Variants in CADM2 observed in about 807,000 individuals in gnomAD.
CADM2 encodes immunoglobulin superfamily member 4D.
Under a neutral mutation model 49.8 loss-of-function variants are expected in CADM2, and 12 were observed. The ratio of observed to expected loss-of-function variants is 0.24; its 90% CI spans 0.15 to 0.39. The LOEUF (loss-of-function observed/expected upper bound fraction) is 0.39. CADM2 is among the 10% of genes least tolerant of loss of function. The pLI, the probability that CADM2 is intolerant of heterozygous loss-of-function variation, is 1.00. For synonymous variants in CADM2, 214 were observed against 175.4 expected, an observed-to-expected ratio of 1.22 and a Z score of -1.74; for missense variants, 378 against 492.3, an observed-to-expected ratio of 0.77 and a Z score of 2.20.
rs570600108 is a variant in CADM2, at chr3:85,919,719, C to T, written c.700+7176C>T. 8.6e-5 allele frequency among the ~76,000 whole-genome samples: 13 copies of T among 151,908 alleles called. 3 individuals are homozygous for T. The highest frequency in any genetic ancestry group is 2.4e-4 in the African/African-American group (10 of 41,518). ...AAGAGATTCCTTCCTTGCCTTACTC[C>T]GTTTTAAAGATAATTACTTTGTGCC... On this transcript the variant is annotated intron_variant, in intron 6 of 9. Transcript: ENST00000383699.
Position 85,712,428 on chromosome 3 carries a change from T to A in CADM2, c.62-14094T>A, listed in dbSNP as rs117247600. On this transcript the variant is annotated intron_variant, in intron 1 of 9. Coordinates refer to ENST00000383699, the MANE Select transcript of CADM2 (RefSeq NM_001167675.2). ...ACCCTTTGTTATCATATTTTAATAA[T>A]GGACACTGAAATAACTTTTTCTCAA... is the stretch of plus-strand genomic sequence containing the variant. 2.6e-3 allele frequency among the ~76,000 whole-genome samples: 401 copies of A among 152,336 alleles called. 9 individuals are homozygous for A. In the East Asian group the frequency reaches 0.061, roughly 23 times the overall value.
intron 1 of CADM2, among the ~76,000 whole-genome samples, chr3:85,405,808 T>A (rs1291336608): frequency 6.6e-6 from 1 of 151,912 alleles, no homozygotes; most frequent in Non-Finnish European, 1.5e-5. Context: ...ATCTCCTGAA[T>A]TTTTAAATAG....
intron 1 of CADM2, among the ~76,000 whole-genome samples, chr3:85,614,278 C>T (rs2063745665): frequency 1.3e-5 from 2 of 149,812 alleles, no homozygotes; most frequent in South Asian, 4.2e-4. Context: ...TATTAGTAAT[C>T]CTCTTTAAAT....
intron 3 of CADM2, among the ~76,000 whole-genome samples, chr3:85,876,320 T>C (rs1471146121): frequency 6.6e-6 from 1 of 152,172 alleles, no homozygotes; most frequent in African/African-American, 2.4e-5. Flanking sequence ...ATTCACTTAA[T>C]ATGTGGAATT....
At chr3:85,745,078 G>A (rs2068559149) in intron 2 of CADM2, among the ~76,000 whole-genome samples, 2 of 152,082 alleles carry the variant, frequency 1.3e-5, no homozygotes, top group East Asian at 1.9e-4. Context: ...GACTTTTCTG[G>A]AAGTTTGGAG....
At chr3:86,047,806 T>A (rs1365073615) in intron 8 of CADM2, among the ~76,000 whole-genome samples, 2 of 152,168 alleles carry the variant, frequency 1.3e-5, no homozygotes, top group African/African-American at 2.4e-5. Flanking sequence ...TACTCTCACA[T>A]TTCGAGTCCC....
chr3:85,235,630 T>C (rs992733800), intron 1 of CADM2, among the ~76,000 whole-genome samples: 1 of 152,166 alleles, frequency 6.6e-6, no homozygotes, highest in Non-Finnish European at 1.5e-5. Flanking sequence ...TCTCATTAAC[T>C]TTCTCAAACT....
intron 1 of CADM2, among the ~76,000 whole-genome samples, chr3:84,976,379 C>G (rs1001576528): frequency 6.6e-6 from 1 of 151,126 alleles, no homozygotes; most frequent in Non-Finnish European, 1.5e-5. Flanking sequence ...AGACCAATAC[C>G]TATTTTTCAA....
At chr3:85,849,741 A>AATAT (rs1216362990) in intron 3 of CADM2, among the ~76,000 whole-genome samples, 2 of 152,090 alleles carry the variant, frequency 1.3e-5, no homozygotes, top group African/African-American at 4.8e-5. Flanking sequence ...CTTATTGTGG[A>AATAT]ATATTTTGGG....
chr3:85,878,811 T>C (rs902480362), intron 3 of CADM2, among the ~76,000 whole-genome samples: 2 of 152,090 alleles, frequency 1.3e-5, no homozygotes, highest in Non-Finnish European at 2.9e-5. Flanking sequence ...CTGGCTAAAA[T>C]AGAGTTAAAT....
At chr3:86,062,339 A>G (rs1185646563) in intron 8 of CADM2, among the ~76,000 whole-genome samples, 1 of 152,176 alleles carries the variant, frequency 6.6e-6, no homozygotes, top group Admixed American at 6.5e-5. Context: ...TTGGAGATTT[A>G]TGGGCAATGA....
rs192390364 is a variant in CADM2 at position 85,087,283 on chromosome 3, G to A, written c.61+127615G>A. Among the ~76,000 whole-genome samples, 451 of 152,194 alleles carry A rather than the reference G, an allele frequency of 3.0e-3. 5 individuals are homozygous for A. Among genetic ancestry groups the A allele is most frequent in the Middle Eastern group, 0.017 (5 of 294 alleles). On this transcript the variant is annotated intron_variant, in intron 1 of 9. Transcript: ENST00000383699. ...ATGTTCCTGGATATTTATAGAATGA[G>A]TATAGGATAGAAACAATTGTCTGAT...
chr3:85,947,469 A>C (rs1392842496), intron 7 of CADM2, among the ~76,000 whole-genome samples: 1 of 151,560 alleles, frequency 6.6e-6, no homozygotes, highest in South Asian at 2.1e-4. Flanking sequence ...ACTAATTAAA[A>C]ATTAAAAGCA....
chr3:86,050,456 C>T (rs1008566429), intron 8 of CADM2, among the ~76,000 whole-genome samples: 1 of 152,180 alleles, frequency 6.6e-6, no homozygotes, highest in Non-Finnish European at 1.5e-5. Flanking sequence ...AGGACAGTGA[C>T]TCTACTCCCA....
rs188507561 is a variant in CADM2, at chr3:85,636,296, T to C, written c.62-90226T>C. Among the ~76,000 whole-genome samples the C allele has an allele frequency of 3.2e-3, 484 of 152,272 alleles. 3 individuals carry two copies. Among genetic ancestry groups the C allele is most frequent in the African/African-American group, 0.011 (461 of 41,552 alleles). Reference sequence around the variant, plus strand: ...GACCCTGTGTATGCCTAGGCTAATGTGTGTGTTTTTGCCTTGGTTTATAAC... The same window carrying C: ...GACCCTGTGTATGCCTAGGCTAATGCGTGTGTTTTTGCCTTGGTTTATAAC... On this transcript the variant is annotated intron_variant, in intron 1 of 9. Transcript: ENST00000383699.
intron 1 of CADM2, among the ~76,000 whole-genome samples, chr3:85,550,965 T>G (rs1347116402): frequency 7.0e-6 from 1 of 142,256 alleles, no homozygotes; most frequent in Non-Finnish European, 1.6e-5. Flanking sequence ...TTAATTTATT[T>G]ATTTGTTTGT....
In CADM2 at chr3:85,087,220, G is replaced by C. The variant is rs111755109; in HGVS notation, c.61+127552G>C. On this transcript the variant is annotated intron_variant, in intron 1 of 9. Coordinates refer to ENST00000383699, the MANE Select transcript of CADM2 (RefSeq NM_001167675.2). Reference sequence around the variant, plus strand: ...AAGGTCAGTGAGTAGTTTACTGACTGTCTCAAGGGCTTTAGCTACGTAATG... The same window carrying C: ...AAGGTCAGTGAGTAGTTTACTGACTCTCTCAAGGGCTTTAGCTACGTAATG... 1.3e-3 allele frequency among the ~76,000 whole-genome samples: 199 copies of C among 152,238 alleles called. 1 individual carries two copies. The highest frequency in any genetic ancestry group is 4.4e-3 in the African/African-American group (181 of 41,544).
intron 1 of CADM2, among the ~76,000 whole-genome samples, chr3:85,532,126 G>A (rs1054285777): frequency 3.3e-5 from 5 of 152,070 alleles, no homozygotes; most frequent in Admixed American, 1.3e-4. Flanking sequence ...GCAGTGAGCC[G>A]AGATCCCGCC....
intron 8 of CADM2, among the ~76,000 whole-genome samples, chr3:85,995,892 G>A (rs987357894): frequency 7.2e-5 from 11 of 151,774 alleles, no homozygotes; most frequent in Non-Finnish European, 1.0e-4. Flanking sequence ...GATCAAGACC[G>A]TCCTGGCTAA....
Sources: allele counts gnomAD v4.1 joint callset (sites outside exome capture counted in the v4.1 genomes callset), GRCh38; gene constraint gnomAD v4.1.1; transcripts MANE v1.5; gene names NCBI Gene and HGNC (gene_info 2026-07-23, HGNC 2026-07-21).